The following STAT1 variants were observed in gnomAD, a reference collection of about 807,000 sequenced individuals.
The protein encoded by STAT1 is signal transducer and activator of transcription 1-alpha/beta.
A neutral mutation model predicts 111.7 loss-of-function variants in STAT1; 24 were observed. The observed-to-expected ratio is 0.21, with a 90% CI of 0.16 to 0.30. The LOEUF (loss-of-function observed/expected upper bound fraction) is 0.30. STAT1 is among the 10% of genes least tolerant of loss of function. STAT1 has a pLI of 1.00. For missense variants in STAT1, 351 were observed against 911.9 expected (o/e 0.38, Z 7.92); for synonymous variants, 332 against 326.5 (o/e 1.02, Z -0.18).
At chr2:191,002,009 T>C (rs1232104821) in intron 5 of STAT1, among the ~76,000 whole-genome samples, 1 of 152,238 alleles carries the variant, frequency 6.6e-6, no homozygotes, top group African/African-American at 2.4e-5. Context: ...GCACAGATTC[T>C]ACGGGGGTGT....
At chr2:190,992,795 T>A in intron 10 of STAT1, 1 of 346,442 alleles carries the variant, frequency 2.9e-6, no homozygotes, top group Non-Finnish European at 4.7e-6. Flanking sequence ...CATTCTTTCT[T>A]TTTTTTTTTT....
At chr2:191,011,213 C>CT in intron 2 of STAT1, among the ~76,000 whole-genome samples, 1 of 152,296 alleles carries the variant, frequency 6.6e-6, no homozygotes, top group East Asian at 1.9e-4. Context: ...AGCCCAGCCC[C>CT]TTGGCACTCC....
chr2:191,001,032 A>C (rs1157206372), intron 6 of STAT1, 42 bp downstream of exon 6: 20 of 1,494,218 alleles, frequency 1.3e-5, no homozygotes, highest in Non-Finnish European at 1.8e-5. Context: ...TTTCCCCTAC[A>C]GAAAGTTTCA....
chr2:190,988,236 G>A (rs1170754273), intron 12 of STAT1, among the ~76,000 whole-genome samples: 1 of 152,186 alleles, frequency 6.6e-6, no homozygotes, highest in Non-Finnish European at 1.5e-5. Context: ...CATGAAGAAG[G>A]ACCTGGTTAT....
In STAT1 at chr2:191,004,346, C is replaced by A. The variant is rs1162146401; in HGVS notation, c.373-3183G>T. Among the ~76,000 whole-genome samples the A allele has an allele frequency of 6.6e-6, 1 of 152,180 alleles. No homozygotes were observed. The highest frequency in any genetic ancestry group is 1.5e-5 in the Non-Finnish European group (1 of 68,038). ...CTTACTTTCTCGTTTCACTACTGTA[C>A]CTCTAGAGACCTTGTTTGGATGGGA... On this transcript the variant is annotated intron_variant, in intron 5 of 24. Coordinates refer to ENST00000361099, the MANE Select transcript of STAT1 (RefSeq NM_007315.4). The surrounding 1 kb of genome is among the most constrained non-coding windows in gnomAD (Gnocchi z 5.0).
Position 190,989,757 on chromosome 2 carries a change from A to C in STAT1, c.1038-83T>G. On this transcript the variant is annotated intron_variant, in intron 11 of 24. Coordinates refer to ENST00000361099, the MANE Select transcript of STAT1 (RefSeq NM_007315.4). This position sits in a 1 kb window ranked among gnomAD's most constrained non-coding sequence, Gnocchi z 5.0. ...TTATGCCAATTCCCTATTAACGTTT[A>C]GATAAACTACTCCCCCTCCAGTTTT... The C allele has an allele frequency of 1.0e-6, 1 of 952,926 alleles. No individual in the cohort carries two copies. The highest frequency in any genetic ancestry group is 1.5e-5 in the South Asian group (1 of 67,838). The allele number at this position is 952,926 out of a possible 1,614,324, so 59.0% of individuals were successfully genotyped here. A position where few individuals can be genotyped will look rare whatever the true frequency, so the allele number is the denominator to read the frequency against.
Position 190,996,960 on chromosome 2 carries a change from C to T in STAT1, c.785+896G>A, listed in dbSNP as rs988331024. Among the ~76,000 whole-genome samples the T allele has an allele frequency of 6.6e-6, 1 of 152,214 alleles. No individual in the cohort carries two copies. Among genetic ancestry groups the T allele is most frequent in the Non-Finnish European group, 1.5e-5 (1 of 68,030 alleles). ...TTCTAAATCAAAGATCAGAGAAATA[C>T]ATCTCCTGCTTAAGAAAAAAGCCTG... On this transcript the variant is annotated intron_variant, in intron 9 of 24. Coordinates refer to ENST00000361099, the MANE Select transcript of STAT1 (RefSeq NM_007315.4). This position sits in a 1 kb window ranked among gnomAD's most constrained non-coding sequence, Gnocchi z 4.5.
At position 190,998,179 on chromosome 2, in the gene STAT1, A is replaced by G. The variant is rs373338863; in HGVS notation, c.633+38T>C. On this transcript the variant is annotated intron_variant, in intron 8 of 24. Coordinates refer to ENST00000361099, the MANE Select transcript of STAT1 (RefSeq NM_007315.4). The surrounding 1 kb of genome is among the most constrained non-coding windows in gnomAD (Gnocchi z 4.1). ...TTGAGTCCATTATTTACAGTGTATA[A>G]CAAAAGTGGCATGCTATTCTGGAAA... The G allele has an allele frequency of 4.0e-4, 639 of 1,593,186 alleles. 7 individuals carry two copies. The highest frequency in any genetic ancestry group is 4.6e-4 in the Non-Finnish European group (540 of 1,161,524).
chr2:191,009,277 T>C (rs1043708099), intron 3 of STAT1, among the ~76,000 whole-genome samples, 170 bp from the exon 4 acceptor site: 1 of 152,248 alleles, frequency 6.6e-6, no homozygotes, highest in African/African-American at 2.4e-5. Context: ...GTTTATGTGG[T>C]ATTTCTCTTA....
rs1444270189 is a variant in STAT1 at position 190,999,928 on chromosome 2, C to T, written c.463-224G>A. On this transcript the variant is annotated intron_variant, in intron 6 of 24. Transcript: ENST00000361099. This position sits in a 1 kb window ranked among gnomAD's most constrained non-coding sequence, Gnocchi z 4.1. ...AAAAAAGCAAACGTACAATAATTCT[C>T]AAACTGATTTGTATGTCCTTAACCT... is the stretch of plus-strand genomic sequence containing the variant. Among the ~76,000 whole-genome samples, 1 of 152,176 alleles carries T rather than the reference C, an allele frequency of 6.6e-6. No homozygotes were observed. Among genetic ancestry groups the T allele is most frequent in the Non-Finnish European group, 1.5e-5 (1 of 68,034 alleles).
Position 190,973,482 on chromosome 2 carries a change from A to G in STAT1, c.2238+1348T>C, listed in dbSNP as rs1047641917. Among the ~76,000 whole-genome samples the G allele has an allele frequency of 6.6e-6, 1 of 152,196 alleles. No homozygotes were observed. The highest frequency in any genetic ancestry group is 1.5e-5 in the Non-Finnish European group (1 of 68,046). ...GTACATGGTATACTGTAGGTGCTTA[A>G]TGTCACCTATTAATGGTGGTGGTGA... On this transcript the variant is annotated intron_variant, in intron 24 of 24. Transcript: ENST00000361099. The surrounding 1 kb of genome is among the most constrained non-coding windows in gnomAD (Gnocchi z 4.4).
Position 190,971,368 on chromosome 2 carries a change from A to G in STAT1, c.2239-651T>C, listed in dbSNP as rs999383318. Among the ~76,000 whole-genome samples the G allele has an allele frequency of 5.9e-5, 9 of 152,196 alleles. No individual in the cohort carries two copies. Among genetic ancestry groups the G allele is most frequent in the African/African-American group, 1.7e-4 (7 of 41,438 alleles). On this transcript the variant is annotated intron_variant, in intron 24 of 24. Coordinates refer to ENST00000361099, the MANE Select transcript of STAT1 (RefSeq NM_007315.4). This position sits in a 1 kb window ranked among gnomAD's most constrained non-coding sequence, Gnocchi z 4.1. ...GATTCTGTCCCCTGGCAATGGCTGA[A>G]GACATTGCTGATTGTCCCATCTGGC...
Position 190,993,185 on chromosome 2 carries a change from A to G in STAT1, c.945-1865T>C. On this transcript the variant is annotated intron_variant, in intron 10 of 24. Coordinates refer to ENST00000361099, the MANE Select transcript of STAT1 (RefSeq NM_007315.4). This position sits in a 1 kb window ranked among gnomAD's most constrained non-coding sequence, Gnocchi z 4.1. ...GTAGTCTACTACTTTCTCTGTGGTCAGATCACACTTGTTCCCTACCAACAA... is the reference window on the plus strand; with the variant it reads ...GTAGTCTACTACTTTCTCTGTGGTCGGATCACACTTGTTCCCTACCAACAA... 1 of 517,642 alleles carries G rather than the reference A, an allele frequency of 1.9e-6. No homozygotes were observed. The allele number at this position is 517,642 out of a possible 1,614,324, so 32.1% of individuals were successfully genotyped here.
At position 191,012,059 on chromosome 2, in the gene STAT1, T is replaced by C. The variant is rs1376256460; in HGVS notation, c.-2+1466A>G. On this transcript the variant is annotated intron_variant, in intron 2 of 24. Coordinates refer to ENST00000361099, the MANE Select transcript of STAT1 (RefSeq NM_007315.4). This position sits in a 1 kb window ranked among gnomAD's most constrained non-coding sequence, Gnocchi z 4.0. ...AGCTTCCGCACCCTGCCACAGTTGG[T>C]TCTTAAGGCTGGTTGAGCTAGTACA... is the stretch of plus-strand genomic sequence containing the variant. Among the ~76,000 whole-genome samples the C allele has an allele frequency of 6.6e-6, 1 of 151,214 alleles. No homozygotes were observed. Among genetic ancestry groups the C allele is most frequent in the African/African-American group, 2.4e-5 (1 of 41,242 alleles).
rs1449086297 is a variant in STAT1, at chr2:191,003,924, C to T, written c.373-2761G>A. Among the ~76,000 whole-genome samples, 4 of 152,168 alleles carry T rather than the reference C, an allele frequency of 2.6e-5. No homozygotes were observed. Among genetic ancestry groups the T allele is most frequent in the African/African-American group, 4.8e-5 (2 of 41,440 alleles). ...GGCCTCCTCCCAAATGACCAAGGCT[C>T]GGTTTAGAGAACAGGGATATAAACA... On this transcript the variant is annotated intron_variant, in intron 5 of 24. Coordinates refer to ENST00000361099, the MANE Select transcript of STAT1 (RefSeq NM_007315.4). This position sits in a 1 kb window ranked among gnomAD's most constrained non-coding sequence, Gnocchi z 4.0.
At chr2:190,972,540 A>G (rs969899619) in intron 24 of STAT1, among the ~76,000 whole-genome samples, 1 of 152,188 alleles carries the variant, frequency 6.6e-6, no homozygotes, top group Admixed American at 6.5e-5. Context: ...GACTTGGCAG[A>G]AGACAGCCAG....
chr2:191,013,430 G>T, intron 2 of STAT1, 95 bp downstream of exon 2: 1 of 390,088 alleles, frequency 2.6e-6, no homozygotes, highest in Non-Finnish European at 4.5e-6. Context: ...TAAACTCTAG[G>T]AAGACATTAA....
rs565409585 is a variant in STAT1, at chr2:191,002,780, G to T, written c.373-1617C>A. Among the ~76,000 whole-genome samples the T allele has an allele frequency of 3.3e-5, 5 of 152,168 alleles. No individual in the cohort carries two copies. In the South Asian group the frequency reaches 1.0e-3, roughly 32 times the overall value. On this transcript the variant is annotated intron_variant, in intron 5 of 24. Transcript: ENST00000361099. ...GGTAAGATACTGTCTCTAGAATGGA[G>T]ATATATATATTTTTTTGTGTTAAAG...
In STAT1 at chr2:191,014,120, TC is replaced by T. The variant is rs906406250; in HGVS notation, c.-259del. On this transcript the variant is annotated 5_prime_UTR_variant, in exon 1 of 25. Coordinates refer to ENST00000361099, the MANE Select transcript of STAT1 (RefSeq NM_007315.4). ...TCGGTCTGGGGTCTGCCAGGCGCGATCCCCCCGGTGCAGCCGAGCCCCTCCG... is the reference window on the plus strand; with the variant it reads ...TCGGTCTGGGGTCTGCCAGGCGCGATCCCCCGGTGCAGCCGAGCCCCTCCG... 2.6e-5 allele frequency: 4 copies of T among 156,322 alleles called. No individual in the cohort carries two copies. The highest frequency in any genetic ancestry group is 4.8e-5 in the African/African-American group (2 of 41,704). 9.7% of individuals were successfully genotyped at this position (156,322 alleles called of 1,614,324 possible).
Sources: gnomAD v4.1 joint callset for allele counts (sites outside exome capture counted in the v4.1 genomes callset) on GRCh38, gnomAD v4.1.1 for gene constraint, Gnocchi (gnomAD v3.1) non-coding constraint, MANE v1.5 for transcripts, NCBI Gene and HGNC (gene_info 2026-07-23, HGNC 2026-07-21) for gene names.